The following AGO3 variants were observed in gnomAD, a reference collection of about 807,000 sequenced individuals.
AGO3 encodes the protein argonaute RISC catalytic component 3.
A neutral mutation model predicts 105.5 loss-of-function variants in AGO3; 16 were observed. That is an observed-to-expected ratio of 0.15 (90% CI 0.10 to 0.23). The LOEUF is 0.23. Among genes scored for constraint, AGO3 ranks in the 10% least tolerant of loss-of-function variants. The probability of loss-of-function intolerance (pLI) is 1.00; values close to 1 mark genes in which losing one functional copy is unlikely to be tolerated. For synonymous variants in AGO3, 340 were observed against 367.3 expected (o/e 0.93, Z 0.85); for missense variants, 534 against 1,088.0 (o/e 0.49, Z 7.16).
At chr1:35,964,968 G>T (rs1412442546) in intron 2 of AGO3, among the ~76,000 whole-genome samples, 10 of 147,772 alleles carry the variant, frequency 6.8e-5, no homozygotes, top group South Asian at 4.3e-4. Context: ...TTGTTAATGG[G>T]TTTTTTTTTT....
At chr1:35,990,513 A>G (rs926311344) in intron 5 of AGO3, among the ~76,000 whole-genome samples, 1 of 152,130 alleles carries the variant, frequency 6.6e-6, no homozygotes, top group Non-Finnish European at 1.5e-5. Context: ...CAAAAACAAA[A>G]AATTTTATTT....
At chr1:36,004,702 G>A (rs1640259741) in intron 6 of AGO3, among the ~76,000 whole-genome samples, 1 of 152,032 alleles carries the variant, frequency 6.6e-6, no homozygotes, top group Admixed American at 6.6e-5. Context: ...CTAATTTTTT[G>A]TTAATACTTT....
intron 6 of AGO3, among the ~76,000 whole-genome samples, chr1:36,007,098 G>C (rs1272210792): frequency 6.6e-6 from 1 of 152,174 alleles, no homozygotes; most frequent in Non-Finnish European, 1.5e-5. Context: ...AGCATCTCTA[G>C]TCATGCCTAT....
intron 2 of AGO3, among the ~76,000 whole-genome samples, chr1:35,951,974 T>G (rs1394830725): frequency 6.6e-6 from 1 of 152,074 alleles, no homozygotes; most frequent in African/African-American, 2.4e-5. Context: ...GTCACTTCAA[T>G]GTAATTTTAG....
rs1278447339 is a variant in AGO3 at position 36,054,930 on chromosome 1, A to G, written c.2275-16A>G. ...AGTTCAAAATTCAACAGTGTATGTC[A>G]TTGCCTTCTCTATAGGGTACCAGTC... On this transcript the variant is annotated splice_polypyrimidine_tract_variant and intron_variant, in intron 17 of 18. Transcript: ENST00000373191. 2.5e-6 allele frequency: 4 copies of G among 1,611,296 alleles called. No homozygotes were observed. The highest frequency in any genetic ancestry group is 2.2e-5 in the East Asian group (1 of 44,862).
In AGO3 at chr1:36,059,119, A is replaced by AT. The variant is rs1027236796; in HGVS notation, c.*3380dup. On this transcript the variant is annotated 3_prime_UTR_variant, in exon 19 of 19. Transcript: ENST00000373191. ...GAAGGACTTTTTTAAGAGGAAAAATATTTTTTCTAAATTATAAAGCTTTAC... is the reference window on the plus strand; with the variant it reads ...GAAGGACTTTTTTAAGAGGAAAAATATTTTTTTCTAAATTATAAAGCTTTAC... The AT allele has an allele frequency of 6.6e-6, 1 of 152,028 alleles. No homozygotes were observed. The highest frequency in any genetic ancestry group is 1.5e-5 in the Non-Finnish European group (1 of 67,988). 9.4% of individuals were successfully genotyped at this position (152,028 alleles called of 1,614,324 possible). A position where few individuals can be genotyped will look rare whatever the true frequency, so the allele number is the denominator to read the frequency against.
At chr1:36,038,680 G>T (rs1642121234) in intron 14 of AGO3, among the ~76,000 whole-genome samples, 1 of 152,174 alleles carries the variant, frequency 6.6e-6, no homozygotes, top group South Asian at 2.1e-4. Flanking sequence ...CCAGCTCTAG[G>T]CTCTGATCAG....
intron 9 of AGO3, among the ~76,000 whole-genome samples, chr1:36,011,579 TATC>T (rs1258466558): frequency 2.0e-5 from 3 of 152,162 alleles, no homozygotes; most frequent in Non-Finnish European, 2.9e-5. Flanking sequence ...GTTCAGAAAG[TATC>T]ATATGGTAGT....
At chr1:35,994,770 CAT>C (rs1648112423) in intron 5 of AGO3, among the ~76,000 whole-genome samples, 1 of 152,080 alleles carries the variant, frequency 6.6e-6, no homozygotes, top group African/African-American at 2.4e-5. Context: ...TAACATAAAA[CAT>C]AATTTTTAGG....
intron 1 of AGO3, among the ~76,000 whole-genome samples, chr1:35,934,712 A>G (rs1483186234): frequency 6.6e-6 from 1 of 152,032 alleles, no homozygotes; most frequent in African/African-American, 2.4e-5. Flanking sequence ...GTGCAGTGGC[A>G]TGATATTGGC....
At chr1:35,983,900 T>G (rs1647108225) in intron 5 of AGO3, among the ~76,000 whole-genome samples, 2 of 152,144 alleles carry the variant, frequency 1.3e-5, no homozygotes, top group Admixed American at 6.5e-5. Flanking sequence ...ACATATCTAG[T>G]GTATATTTAG....
chr1:35,996,731 G>C (rs1026045273), intron 5 of AGO3, among the ~76,000 whole-genome samples: 1 of 149,210 alleles, frequency 6.7e-6, no homozygotes, highest in African/African-American at 2.5e-5. Flanking sequence ...AGATTGCACC[G>C]TTGCACTCCA....
chr1:36,055,891 A>G lies in AGO3; in HGVS notation c.*146A>G. The stretch of plus-strand genomic sequence containing the variant: ...GGGGCCAAGGTCTGATCCTTATGTT[A>G]ATACAAGGAAGATTGTTTACTTCAT... On this transcript the variant is annotated 3_prime_UTR_variant, in exon 19 of 19. Coordinates refer to ENST00000373191, the MANE Select transcript of AGO3 (RefSeq NM_024852.4). This position sits in a 1 kb window ranked among gnomAD's most constrained non-coding sequence, Gnocchi z 4.4. 1 of 647,840 alleles carries G rather than the reference A, an allele frequency of 1.5e-6. No homozygotes were observed. Among genetic ancestry groups the G allele is most frequent in the Non-Finnish European group, 2.6e-6 (1 of 383,566 alleles). 40.1% of individuals were successfully genotyped at this position (647,840 alleles called of 1,614,324 possible). A position where few individuals can be genotyped will look rare whatever the true frequency, so the allele number is the denominator to read the frequency against.
At chr1:35,955,629 C>G (rs1646550937) in intron 2 of AGO3, among the ~76,000 whole-genome samples, 1 of 150,060 alleles carries the variant, frequency 6.7e-6, no homozygotes, top group Non-Finnish European at 1.5e-5. Context: ...GAGTCTCACT[C>G]TGTCACCCAG....
chr1:35,959,820 AT>A (rs1360492164), intron 2 of AGO3, among the ~76,000 whole-genome samples: 3 of 152,190 alleles, frequency 2.0e-5, no homozygotes, highest in Non-Finnish European at 4.4e-5. Flanking sequence ...TTCATTTGTT[AT>A]TTGGAAGACT....
chr1:35,938,501 G>A, intron 1 of AGO3, among the ~76,000 whole-genome samples: 1 of 151,904 alleles, frequency 6.6e-6, no homozygotes. Flanking sequence ...TTTCCACTTA[G>A]TAATGTGTCG....
At chr1:36,028,708 G>A (rs574721738) in intron 12 of AGO3, among the ~76,000 whole-genome samples, 80 of 151,544 alleles carry the variant, frequency 5.3e-4, no homozygotes, top group African/African-American at 1.9e-3. Flanking sequence ...ATAAACATAC[G>A]TGTGCATGTG....
intron 2 of AGO3, among the ~76,000 whole-genome samples, chr1:35,958,652 C>CAA (rs11448667): frequency 0.039 from 5,178 of 133,008 alleles, 288 homozygotes; most frequent in African/African-American, 0.12. Flanking sequence ...GACCTTGTCT[C>CAA]AAAAAAAAAA....
intron 5 of AGO3, among the ~76,000 whole-genome samples, chr1:35,996,566 T>A: frequency 6.6e-6 from 1 of 151,496 alleles, no homozygotes; most frequent in Non-Finnish European, 1.5e-5. Context: ...ATGTCAGGAG[T>A]TCGAGACCAG....
Sources: gnomAD v4.1 joint callset for allele counts (sites outside exome capture counted in the v4.1 genomes callset) on GRCh38, gnomAD v4.1.1 for gene constraint, Gnocchi (gnomAD v3.1) non-coding constraint, MANE v1.5 for transcripts, NCBI Gene and HGNC (gene_info 2026-07-23, HGNC 2026-07-21) for gene names.